Variants in PTPRM observed in about 807,000 individuals in gnomAD.
PTPRM encodes the protein receptor-type tyrosine-protein phosphatase mu.
A neutral mutation model predicts 186.7 loss-of-function variants in PTPRM; 47 were observed. The ratio of observed to expected loss-of-function variants is 0.25; its 90% confidence interval spans 0.20 to 0.32. The LOEUF is 0.32. Ranked by LOEUF, PTPRM falls within the 10% of genes least tolerant of loss-of-function variation. PTPRM has a pLI of 1.00. For missense variants in PTPRM, 1,494 were observed against 1,865.0 expected, an observed-to-expected ratio of 0.80 and a Z score of 3.66; for synonymous variants, 668 against 674.9, an observed-to-expected ratio of 0.99 and a Z score of 0.16.
chr18:7,797,155 G>A (rs1408275233), intron 2 of PTPRM, among the ~76,000 whole-genome samples: 1 of 152,164 alleles, frequency 6.6e-6, no homozygotes, highest in Non-Finnish European at 1.5e-5. Context: ...AGTGTCTAGG[G>A]CTGGGCTTTA....
In PTPRM at chr18:8,007,351, A is replaced by G. The variant is rs142110687; in HGVS notation, c.1132+51937A>G. ...TTCCTTTTTGCAGGCAGGTAAGAGA[A>G]TCATGTGGATCAGATTGTGTCCCTT... On this transcript the variant is annotated intron_variant, in intron 7 of 32. Transcript: ENST00000580170. Among the ~76,000 whole-genome samples, 1,454 of 152,292 alleles carry G rather than the reference A, an allele frequency of 9.5e-3. 7 individuals carry two copies. The highest frequency in any genetic ancestry group is 0.033 in the South Asian group (161 of 4,820).
intron 14 of PTPRM, among the ~76,000 whole-genome samples, chr18:8,168,945 G>T (rs899025895): frequency 1.3e-5 from 2 of 152,140 alleles, no homozygotes; most frequent in Non-Finnish European, 2.9e-5. Flanking sequence ...CCATAATCCA[G>T]ATTCACTATA....
At chr18:7,650,571 G>A (rs755829778) in intron 1 of PTPRM, among the ~76,000 whole-genome samples, 5 of 150,802 alleles carry the variant, frequency 3.3e-5, no homozygotes, top group Non-Finnish European at 5.9e-5. Context: ...TTTATTTGAA[G>A]CACGTAACAG....
At chr18:7,871,280 G>A (rs9304003) in intron 2 of PTPRM, among the ~76,000 whole-genome samples, 11,963 of 152,168 alleles carry the variant, frequency 0.079, 592 homozygotes, top group African/African-American at 0.15. Context: ...ACCCTCCAAG[G>A]TATTGATGGT....
At chr18:7,658,363 T>TATATATATATATATATATATATAC (rs1490051251) in intron 1 of PTPRM, among the ~76,000 whole-genome samples, 1 of 142,072 alleles carries the variant, frequency 7.0e-6, no homozygotes, top group African/African-American at 2.6e-5. Context: ...TATATATACA[T>TATATATATATATATATATATATAC]ACACACACAC....
intron 19 of PTPRM, among the ~76,000 whole-genome samples, chr18:8,289,476 A>T (rs1429211944): frequency 5.3e-5 from 7 of 133,048 alleles, no homozygotes; most frequent in African/African-American, 1.5e-4. Context: ...ATACACACAT[A>T]TGTATATATA....
At chr18:7,811,332 C>T (rs2044502513) in intron 2 of PTPRM, among the ~76,000 whole-genome samples, 1 of 152,136 alleles carries the variant, frequency 6.6e-6, no homozygotes, top group South Asian at 2.1e-4. Flanking sequence ...TTTGCATAGG[C>T]TTTGCACAGG....
At chr18:7,590,640 G>A (rs552491541) in intron 1 of PTPRM, among the ~76,000 whole-genome samples, 60 of 152,284 alleles carry the variant, frequency 3.9e-4, no homozygotes, top group African/African-American at 1.4e-3. Context: ...ATGCCATATA[G>A]CCACTAAGAA....
intron 13 of PTPRM, 114 bp downstream of exon 13, chr18:8,114,941 A>T: frequency 1.4e-6 from 1 of 701,110 alleles, no homozygotes; most frequent in Non-Finnish European, 2.4e-6. Context: ...TGTGTGTATT[A>T]TATATACATA....
At chr18:7,638,774 T>G (rs1468058175) in intron 1 of PTPRM, among the ~76,000 whole-genome samples, 3 of 152,242 alleles carry the variant, frequency 2.0e-5, no homozygotes, top group African/African-American at 4.8e-5. Context: ...TTACTCTTGA[T>G]TCAGCAATAA....
intron 1 of PTPRM, among the ~76,000 whole-genome samples, chr18:7,756,804 A>ATG (rs2041513882): frequency 6.6e-6 from 1 of 152,078 alleles, no homozygotes. Context: ...CATCATTCGG[A>ATG]TGGCTTCCCT....
At chr18:8,277,842 G>T (rs1042112771) in intron 19 of PTPRM, among the ~76,000 whole-genome samples, 2 of 152,176 alleles carry the variant, frequency 1.3e-5, no homozygotes, top group African/African-American at 4.8e-5. Flanking sequence ...GTTAACTAAC[G>T]CAGTGAGGTG....
intron 1 of PTPRM, among the ~76,000 whole-genome samples, chr18:7,693,089 C>G (rs985441957): frequency 6.6e-6 from 1 of 152,208 alleles, no homozygotes; most frequent in African/African-American, 2.4e-5. Flanking sequence ...TGGTCACTCT[C>G]TGAAGATCAG....
chr18:7,587,236 C>T (rs1387146692), intron 1 of PTPRM, among the ~76,000 whole-genome samples: 1 of 152,044 alleles, frequency 6.6e-6, no homozygotes, highest in East Asian at 1.9e-4. Flanking sequence ...TGAAATAGTT[C>T]ATTTATCTGT....
chr18:7,761,159 T>C (rs2041752365), intron 1 of PTPRM, among the ~76,000 whole-genome samples: 1 of 152,230 alleles, frequency 6.6e-6, no homozygotes, highest in Non-Finnish European at 1.5e-5. Context: ...GAAGGAAAGC[T>C]GATTCATCAC....
chr18:7,727,893 A>G, intron 1 of PTPRM, among the ~76,000 whole-genome samples: 1 of 152,182 alleles, frequency 6.6e-6, no homozygotes, highest in East Asian at 1.9e-4. Context: ...ATGTTATCTC[A>G]TGTAATCCCC....
chr18:8,109,550 C>T (rs552937236), intron 11 of PTPRM, among the ~76,000 whole-genome samples: 2 of 152,270 alleles, frequency 1.3e-5, no homozygotes, highest in South Asian at 4.1e-4. Flanking sequence ...ACATGGAGGC[C>T]TGTCCAATGA....
chr18:8,150,947 T>A (rs780498395), intron 14 of PTPRM, among the ~76,000 whole-genome samples: 5 of 152,154 alleles, frequency 3.3e-5, no homozygotes, highest in Non-Finnish European at 5.9e-5. Flanking sequence ...TGCCTGGGTA[T>A]CACCAGCGGA....
At chr18:7,873,695 C>G (rs1022478825) in intron 2 of PTPRM, among the ~76,000 whole-genome samples, 3 of 152,158 alleles carry the variant, frequency 2.0e-5, no homozygotes, top group African/African-American at 7.2e-5. Flanking sequence ...GGGCTGGAAG[C>G]TGCTTTCACA....
Sources: allele counts gnomAD v4.1 joint callset (sites outside exome capture counted in the v4.1 genomes callset), GRCh38; gene constraint gnomAD v4.1.1; transcripts MANE v1.5; gene names NCBI Gene and HGNC (gene_info 2026-07-23, HGNC 2026-07-21).